TCERG1L: variants seen among roughly 807,000 people sequenced by gnomAD.
TCERG1L encodes transcription elongation regulator 1 like.
Under a neutral mutation model 56.3 loss-of-function variants are expected in TCERG1L, and 37 were observed. The observed-to-expected ratio is 0.66, with a 90% CI of 0.51 to 0.87. The LOEUF is 0.87. TCERG1L is among the 40% of genes least tolerant of loss of function. TCERG1L has a pLI of 0.00. For missense variants in TCERG1L, 799 were observed against 774.2 expected (o/e 1.03, Z -0.38); for synonymous variants, 324 against 326.3 (o/e 0.99, Z 0.08).
chr10:131,290,422 G>A (rs1418755526), intron 3 of TCERG1L, among the ~76,000 whole-genome samples: 1 of 152,044 alleles, frequency 6.6e-6, no homozygotes, highest in African/African-American at 2.4e-5. Context: ...ACCTGAGGCT[G>A]GGAATTCGAG....
intron 4 of TCERG1L, among the ~76,000 whole-genome samples, chr10:131,207,771 C>T (rs1485266838): frequency 6.6e-6 from 1 of 152,152 alleles, no homozygotes; most frequent in African/African-American, 2.4e-5. Context: ...CAGGACCGCC[C>T]TCACAGCTCG....
intron 9 of TCERG1L, among the ~76,000 whole-genome samples, chr10:131,109,023 C>T (rs890483405): frequency 1.3e-5 from 2 of 151,680 alleles, no homozygotes; most frequent in South Asian, 2.1e-4. Context: ...ACATGGGCCC[C>T]GTCCACGCTC....
chr10:131,185,384 C>T (rs1434360655), intron 4 of TCERG1L, among the ~76,000 whole-genome samples: 1 of 152,064 alleles, frequency 6.6e-6, no homozygotes, highest in Non-Finnish European at 1.5e-5. Flanking sequence ...AATTAATAAA[C>T]TGCATCTCAT....
chr10:131,277,985 C>A (rs909819307), intron 3 of TCERG1L, among the ~76,000 whole-genome samples: 1 of 152,106 alleles, frequency 6.6e-6, no homozygotes, highest in African/African-American at 2.4e-5. Flanking sequence ...GGAGCTTCAG[C>A]CACTCCCCAA....
At chr10:131,151,646 G>A (rs893402880) in intron 6 of TCERG1L, among the ~76,000 whole-genome samples, 2 of 152,118 alleles carry the variant, frequency 1.3e-5, no homozygotes, top group Admixed American at 6.5e-5. Flanking sequence ...TACCATTCTG[G>A]GTTCTGGAGG....
intron 4 of TCERG1L, among the ~76,000 whole-genome samples, chr10:131,169,174 T>C (rs1022015174): frequency 1.3e-5 from 2 of 152,188 alleles, no homozygotes; most frequent in African/African-American, 2.4e-5. Context: ...GTCCTGATCC[T>C]GCAGGGTCGT....
intron 10 of TCERG1L, among the ~76,000 whole-genome samples, chr10:131,099,643 C>T (rs1316428164): frequency 6.6e-6 from 1 of 152,098 alleles, no homozygotes; most frequent in Non-Finnish European, 1.5e-5. Context: ...AAGCCTCGAC[C>T]CCAGCACTGC....
At chr10:131,175,098 C>T (rs1846134319) in intron 4 of TCERG1L, among the ~76,000 whole-genome samples, 1 of 152,194 alleles carries the variant, frequency 6.6e-6, no homozygotes, top group Non-Finnish European at 1.5e-5. Flanking sequence ...ACAGAATGGC[C>T]TGCGGAGGTG....
chr10:131,282,264 G>A (rs1029872056), intron 3 of TCERG1L, among the ~76,000 whole-genome samples: 27 of 149,556 alleles, frequency 1.8e-4, no homozygotes, highest in Non-Finnish European at 2.7e-4. Context: ...GCTTTCAAAC[G>A]TCTCAGAATT....
At chr10:131,130,950 C>T (rs1422206103) in intron 8 of TCERG1L, among the ~76,000 whole-genome samples, 1 of 152,086 alleles carries the variant, frequency 6.6e-6, no homozygotes, top group Non-Finnish European at 1.5e-5. Flanking sequence ...TATGGGGTAA[C>T]TGAATTATAT....
At chr10:131,259,568 C>T (rs1846211451) in intron 4 of TCERG1L, among the ~76,000 whole-genome samples, 1 of 152,202 alleles carries the variant, frequency 6.6e-6, no homozygotes, top group African/African-American at 2.4e-5. Context: ...CACGCAGGGA[C>T]AACAGAGCTG....
At chr10:131,295,634 T>C (rs1399563953) in intron 3 of TCERG1L, among the ~76,000 whole-genome samples, 2 of 152,238 alleles carry the variant, frequency 1.3e-5, no homozygotes, top group South Asian at 2.1e-4. Flanking sequence ...CTGGGGTATA[T>C]AGTGATAATT....
intron 4 of TCERG1L, among the ~76,000 whole-genome samples, chr10:131,237,627 C>T (rs1023710253): frequency 4.6e-5 from 7 of 152,196 alleles, no homozygotes; most frequent in Non-Finnish European, 1.0e-4. Context: ...TAAAAGAGTG[C>T]TAATGATTTC....
At chr10:131,158,032 A>G (rs1845941322) in intron 6 of TCERG1L, among the ~76,000 whole-genome samples, 1 of 152,242 alleles carries the variant, frequency 6.6e-6, no homozygotes, top group South Asian at 2.1e-4. Context: ...AGTGCTTAGT[A>G]TTACATTAAT....
At chr10:131,223,441 C>T (rs1845757310) in intron 4 of TCERG1L, among the ~76,000 whole-genome samples, 1 of 152,226 alleles carries the variant, frequency 6.6e-6, no homozygotes, top group Non-Finnish European at 1.5e-5. Context: ...GATGCCGACC[C>T]ATCCTGATGA....
rs1006048981 is a variant in TCERG1L, at chr10:131,201,017, G to A, written c.857-34132C>T. ...CCTCGGGCGGATACAGAATCACGGC[G>A]CCATCTTGGACGTGGAGGGCAGCTT... On this transcript the variant is annotated intron_variant, in intron 4 of 11. Coordinates refer to ENST00000368642, the MANE Select transcript of TCERG1L (RefSeq NM_174937.4). Among the ~76,000 whole-genome samples, 6 of 152,238 alleles carry A rather than the reference G, an allele frequency of 3.9e-5. No homozygotes were observed. In the South Asian group the frequency reaches 6.2e-4, roughly 16 times the overall value.
intron 3 of TCERG1L, among the ~76,000 whole-genome samples, chr10:131,303,849 T>C (rs544392454): frequency 9.9e-5 from 15 of 152,258 alleles, no homozygotes; most frequent in South Asian, 4.1e-4. Flanking sequence ...GTTTATCTTT[T>C]ACTGCTTTTC....
At chr10:131,127,868 G>A (rs780994620) in intron 8 of TCERG1L, among the ~76,000 whole-genome samples, 2 of 152,042 alleles carry the variant, frequency 1.3e-5, no homozygotes, top group Admixed American at 6.6e-5. Flanking sequence ...GAACCACCAC[G>A]GTCCCAGCCC....
At chr10:131,293,682 T>G (rs1173886061) in intron 3 of TCERG1L, among the ~76,000 whole-genome samples, 1 of 152,208 alleles carries the variant, frequency 6.6e-6, no homozygotes, top group Non-Finnish European at 1.5e-5. Flanking sequence ...AACGTGCTCC[T>G]GACCGAAATC....
Sources: allele counts gnomAD v4.1 joint callset (sites outside exome capture counted in the v4.1 genomes callset), GRCh38; gene constraint gnomAD v4.1.1; transcripts MANE v1.5; gene names NCBI Gene and HGNC (gene_info 2026-07-23, HGNC 2026-07-21).